Variants in LRATD1 observed in about 807,000 individuals in gnomAD.
LRATD1 encodes LRAT domain containing 1.
In LRATD1, 8 loss-of-function variants were observed where a neutral mutation model predicts 21.3. That is an observed-to-expected ratio of 0.38 (90% confidence interval 0.22 to 0.68). The LOEUF is 0.68. Ranked by LOEUF, LRATD1 falls within the 30% of genes least tolerant of loss-of-function variation. The pLI is 0.54. For synonymous variants in LRATD1, 210 were observed against 186.2 expected (o/e 1.13, Z -1.04); for missense variants, 380 against 404.0 (o/e 0.94, Z 0.51).
downstream of LRATD1, chr2:14,650,930 C>G (rs941017520): frequency 1.3e-5 from 2 of 152,120 alleles, no homozygotes; most frequent in African/African-American, 4.8e-5. Context: ...TGTGCATATA[C>G]ACACACTGTT....
Position 14,636,072 on chromosome 2 carries a change from G to T in LRATD1, c.*1214G>T, listed in dbSNP as rs935599598. ...TTAATCCATGATAGTTTAAATACTG[G>T]GGGCCATTAAGAGTGGATGTAGCTA... is the stretch of plus-strand genomic sequence containing the variant. On this transcript the variant is annotated 3_prime_UTR_variant, in exon 2 of 2. Coordinates refer to ENST00000295092, the MANE Select transcript of LRATD1 (RefSeq NM_145175.4). 1 of 189,300 alleles carries T rather than the reference G, an allele frequency of 5.3e-6. No individual in the cohort carries two copies. Among genetic ancestry groups the T allele is most frequent in the Non-Finnish European group, 1.2e-5 (1 of 80,016 alleles). 11.7% of individuals were successfully genotyped at this position (189,300 alleles called of 1,614,324 possible).
intron 4 of LRATD1, among the ~76,000 whole-genome samples, chr2:14,649,122 G>A (rs920659402): frequency 6.6e-6 from 1 of 152,026 alleles, no homozygotes; most frequent in Non-Finnish European, 1.5e-5. Context: ...GAACAGCTTT[G>A]CCTGTCTTTT....
At chr2:14,645,585 C>G (rs1671879823) in intron 2 of LRATD1, among the ~76,000 whole-genome samples, 1 of 152,090 alleles carries the variant, frequency 6.6e-6, no homozygotes, top group African/African-American at 2.4e-5. Context: ...TGTTGTAGTT[C>G]TACTTTTCCA....
intron 4 of LRATD1, among the ~76,000 whole-genome samples, chr2:14,648,651 T>C (rs563271618): frequency 1.3e-5 from 2 of 152,248 alleles, no homozygotes; most frequent in East Asian, 1.9e-4. Context: ...AAAGCCAAAA[T>C]GGTAGAATTG....
chr2:14,642,359 A>G (rs747815992), downstream of LRATD1, among the ~76,000 whole-genome samples: 3 of 152,164 alleles, frequency 2.0e-5, no homozygotes, highest in Admixed American at 1.3e-4. Flanking sequence ...TTTCATTACT[A>G]TGGAAATATA....
rs898642505 is a variant in LRATD1 at position 14,638,232 on chromosome 2, A to C, written c.*3374A>C. On this transcript the variant is annotated 3_prime_UTR_variant, in exon 2 of 2. Transcript: ENST00000295092. ...ACATTCCAAAAAAAAAAAAAAAAAA[A>C]AACTATAGAATTTACGTATGTTACA... 3 of 165,894 alleles carry C rather than the reference A, an allele frequency of 1.8e-5. No individual in the cohort carries two copies. The highest frequency in any genetic ancestry group is 3.0e-5 in the Non-Finnish European group (2 of 67,760). 10.3% of individuals were successfully genotyped at this position (165,894 alleles called of 1,614,324 possible). A position where few individuals can be genotyped will look rare whatever the true frequency, so the allele number is the denominator to read the frequency against.
chr2:14,635,024 C>A lies in LRATD1; in HGVS notation c.*166C>A, dbSNP rs528575711. 6 of 1,011,084 alleles carry A rather than the reference C, an allele frequency of 5.9e-6. No homozygotes were observed. The highest frequency in any genetic ancestry group is 9.0e-6 in the Non-Finnish European group (6 of 667,620). 62.6% of individuals were successfully genotyped at this position (1,011,084 alleles called of 1,614,324 possible). On this transcript the variant is annotated 3_prime_UTR_variant, in exon 2 of 2. Transcript: ENST00000295092. Reference sequence around the variant, plus strand: ...CTGCACCCCCGCATCCCCAAGCCAGCGGCAGGAAGTCTCAGGAACTGCCCC... The same window carrying A: ...CTGCACCCCCGCATCCCCAAGCCAGAGGCAGGAAGTCTCAGGAACTGCCCC...
In LRATD1 at chr2:14,635,797, G is replaced by A; in HGVS notation, c.*939G>A. ...AAATAGTCATATTTTTAAAGGAGTT[G>A]GAGGAGAGGGAGGGGGAGGACATGG... On this transcript the variant is annotated 3_prime_UTR_variant, in exon 2 of 2. Coordinates refer to ENST00000295092, the MANE Select transcript of LRATD1 (RefSeq NM_145175.4). The A allele has an allele frequency of 2.7e-6, 1 of 377,202 alleles. No individual in the cohort carries two copies. The highest frequency in any genetic ancestry group is 5.5e-6 in the Non-Finnish European group (1 of 183,484). The allele number at this position is 377,202 out of a possible 1,614,324, so 23.4% of individuals were successfully genotyped here. A position where few individuals can be genotyped will look rare whatever the true frequency, so the allele number is the denominator to read the frequency against.
At chr2:14,642,666 A>T (rs1223314938), downstream of LRATD1, among the ~76,000 whole-genome samples, 1 of 151,970 alleles carries the variant, frequency 6.6e-6, no homozygotes, top group Non-Finnish European at 1.5e-5. Context: ...GGGTGGGGGC[A>T]GAAAATCACC....
rs1228197261 is a variant in LRATD1, at chr2:14,633,128, GTTAT to G, written c.-37+194_-37+197del. Among the ~76,000 whole-genome samples, 2 of 152,148 alleles carry G rather than the reference GTTAT, an allele frequency of 1.3e-5. No homozygotes were observed. Among genetic ancestry groups the G allele is most frequent in the African/African-American group, 4.8e-5 (2 of 41,446 alleles). On this transcript the variant is annotated intron_variant, in intron 1 of 1. Transcript: ENST00000295092. This position sits in a 1 kb window ranked among gnomAD's most constrained non-coding sequence, Gnocchi z 7.5. Reference sequence around the variant, plus strand: ...CATCCTTCCCCTGCCTCTTTGTTAGGTTATTTTAGACAGAGCAGCCTCGCCCTGG... The same window carrying G: ...CATCCTTCCCCTGCCTCTTTGTTAGGTTTAGACAGAGCAGCCTCGCCCTGG...
At position 14,635,052 on chromosome 2, in the gene LRATD1, G is replaced by A. The variant is rs916380727; in HGVS notation, c.*194G>A. The stretch of plus-strand genomic sequence containing the variant: ...CAGGAAGTCTCAGGAACTGCCCCAG[G>A]GCCGAAAGGGCGCCGCTGCGAGCGC... On this transcript the variant is annotated 3_prime_UTR_variant, in exon 2 of 2. Transcript: ENST00000295092. 20 of 841,974 alleles carry A rather than the reference G, an allele frequency of 2.4e-5. No individual in the cohort carries two copies. Among genetic ancestry groups the A allele is most frequent in the Non-Finnish European group, 3.7e-5 (19 of 507,278 alleles). 52.2% of individuals were successfully genotyped at this position (841,974 alleles called of 1,614,324 possible).
rs1043827238 is a variant in LRATD1 at position 14,635,809 on chromosome 2, G to A, written c.*951G>A. 2.7e-6 allele frequency: 1 copy of A among 374,680 alleles called. No individual in the cohort carries two copies. Among genetic ancestry groups the A allele is most frequent in the Non-Finnish European group, 5.5e-6 (1 of 182,220 alleles). The allele number at this position is 374,680 out of a possible 1,614,324, so 23.2% of individuals were successfully genotyped here. On this transcript the variant is annotated 3_prime_UTR_variant, in exon 2 of 2. Transcript: ENST00000295092. ...TTTTAAAGGAGTTGGAGGAGAGGGAGGGGGAGGACATGGCACCATTCCAGA... is the reference window on the plus strand; with the variant it reads ...TTTTAAAGGAGTTGGAGGAGAGGGAAGGGGAGGACATGGCACCATTCCAGA...
downstream of LRATD1, among the ~76,000 whole-genome samples, chr2:14,644,754 G>A (rs1671866735): frequency 6.6e-6 from 1 of 152,060 alleles, no homozygotes; most frequent in South Asian, 2.1e-4. Flanking sequence ...TCTCACCCAA[G>A]GAGAGAGGCC....
Position 14,634,150 on chromosome 2 carries a change from C to A in LRATD1, c.171C>A (p.Ala57=). ...AGCCCGACAAGTTTGGCGTGAAGGCCCCCCCGGGTTGCACCCCCTGCCCGG... is the reference window on the plus strand; with the variant it reads ...AGCCCGACAAGTTTGGCGTGAAGGCACCCCCGGGTTGCACCCCCTGCCCGG... ...RGQPDKFGVK[A]PPGCTPCPES... Residue 57 remains alanine (A), a synonymous_variant, in exon 2 of 2, where the codon GCC becomes GCA. Coordinates refer to ENST00000295092, the MANE Select transcript of LRATD1 (RefSeq NM_145175.4). 3 of 1,614,010 alleles carry A rather than the reference C, an allele frequency of 1.9e-6. No homozygotes were observed. Among genetic ancestry groups the A allele is most frequent in the Non-Finnish European group, 1.7e-6 (2 of 1,180,016 alleles).
chr2:14,646,437 G>C (rs1671895888), exon 4 of LRATD1: 1 of 152,100 alleles, frequency 6.6e-6, no homozygotes, highest in African/African-American at 2.4e-5. Context: ...AATAGTCAAG[G>C]CGTCTGTGTC....
rs776465281 is a variant in LRATD1 at position 14,635,921 on chromosome 2, A to G, written c.*1063A>G. On this transcript the variant is annotated 3_prime_UTR_variant, in exon 2 of 2. Coordinates refer to ENST00000295092, the MANE Select transcript of LRATD1 (RefSeq NM_145175.4). ...TCTTCAAAGCTGGGGAAGTGGAAATAAAGTTTTAAAAATGAGAGAGCAGTT... is the reference window on the plus strand; with the variant it reads ...TCTTCAAAGCTGGGGAAGTGGAAATGAAGTTTTAAAAATGAGAGAGCAGTT... 1.7e-5 allele frequency: 5 copies of G among 295,914 alleles called. No individual in the cohort carries two copies. The highest frequency in any genetic ancestry group is 7.6e-5 in the South Asian group (2 of 26,188). 18.3% of individuals were successfully genotyped at this position (295,914 alleles called of 1,614,324 possible).
rs1671777739 is a variant in LRATD1, at chr2:14,639,948, C to A, written c.*5090C>A. The A allele has an allele frequency of 6.0e-6, 1 of 167,084 alleles. No homozygotes were observed. The highest frequency in any genetic ancestry group is 2.1e-4 in the South Asian group (1 of 4,838). 10.4% of individuals were successfully genotyped at this position (167,084 alleles called of 1,614,324 possible). A position where few individuals can be genotyped will look rare whatever the true frequency, so the allele number is the denominator to read the frequency against. Reference sequence around the variant, plus strand: ...CCACAAAAGGCTCTTGGAAATATAACTTATGGGGCTTAAGGCTAATTTGAG... The same window carrying A: ...CCACAAAAGGCTCTTGGAAATATAAATTATGGGGCTTAAGGCTAATTTGAG... On this transcript the variant is annotated 3_prime_UTR_variant, in exon 2 of 2. Transcript: ENST00000295092.
At chr2:14,643,437 C>T (rs1218718129), downstream of LRATD1, among the ~76,000 whole-genome samples, 1 of 152,186 alleles carries the variant, frequency 6.6e-6, no homozygotes, top group Non-Finnish European at 1.5e-5. Flanking sequence ...GTCCGGTACT[C>T]CCCTCCTCCA....
intron 5 of LRATD1, chr2:14,649,472 C>G (rs1462333477): frequency 4.7e-6 from 2 of 427,062 alleles, no homozygotes; most frequent in Non-Finnish European, 9.4e-6. Context: ...AGAAGCAATT[C>G]CTCTGCCTAG....
Sources: gnomAD v4.1 joint callset for allele counts (sites outside exome capture counted in the v4.1 genomes callset) on GRCh38, gnomAD v4.1.1 for gene constraint, Gnocchi (gnomAD v3.1) non-coding constraint, MANE v1.5 for transcripts, NCBI Gene and HGNC (gene_info 2026-07-23, HGNC 2026-07-21) for gene names.